CACNA1B: variants seen among roughly 807,000 people sequenced by gnomAD.
The protein encoded by CACNA1B is voltage-dependent N-type calcium channel subunit alpha-1B.
Under a neutral mutation model 247.2 loss-of-function variants are expected in CACNA1B, and 70 were observed. The observed-to-expected ratio is 0.28, with a 90% CI of 0.23 to 0.35. The LOEUF is 0.35. CACNA1B is among the 10% of genes least tolerant of loss of function. The probability of loss-of-function intolerance (pLI) is 1.00; values close to 1 mark genes in which losing one functional copy is unlikely to be tolerated. For missense variants in CACNA1B, 2,367 were observed against 3,197.4 expected (o/e 0.74, Z 6.26); for synonymous variants, 1,231 against 1,294.4 (o/e 0.95, Z 1.05).
At chr9:138,046,038 GT>G (rs1758696139) in intron 21 of CACNA1B, among the ~76,000 whole-genome samples, 1 of 152,184 alleles carries the variant, frequency 6.6e-6, no homozygotes, top group African/African-American at 2.4e-5. Context: ...GCCTCTTCTG[GT>G]CCCCCACCCG....
chr9:138,119,855 C>T (rs975407922), intron 44 of CACNA1B, among the ~76,000 whole-genome samples: 8 of 152,298 alleles, frequency 5.3e-5, no homozygotes, highest in East Asian at 3.9e-4. Context: ...CCACCCCAGA[C>T]GCACCAGGCA....
chr9:138,090,736 C>CAAAAAAAAAAAAAAAAAA (rs1960850690), intron 36 of CACNA1B, among the ~76,000 whole-genome samples: 4 of 46,248 alleles, frequency 8.6e-5, no homozygotes, highest in East Asian at 7.2e-4. Context: ...AAAAAAAAAT[C>CAAAAAAAAAAAAAAAAAA]AGATTAATAA....
At chr9:137,921,673 G>A (rs1957481816) in intron 6 of CACNA1B, among the ~76,000 whole-genome samples, 1 of 146,260 alleles carries the variant, frequency 6.8e-6, no homozygotes, top group African/African-American at 2.7e-5. Context: ...CATCCTGGGA[G>A]CAGAGTAAAG....
intron 31 of CACNA1B, among the ~76,000 whole-genome samples, chr9:138,063,375 T>G (rs1281281737): frequency 2.6e-5 from 4 of 152,180 alleles, no homozygotes; most frequent in Admixed American, 2.0e-4. Flanking sequence ...ACGCCCGTAG[T>G]CCCAGCTACC....
At chr9:137,901,707 T>TTTG (rs1957242325) in intron 3 of CACNA1B, among the ~76,000 whole-genome samples, 1 of 110,216 alleles carries the variant, frequency 9.1e-6, no homozygotes, top group African/African-American at 4.8e-5. Flanking sequence ...TTTTTTTTTT[T>TTTG]GAGACTGAGT....
chr9:137,951,766 G>GCTCAC (rs1434745538), intron 6 of CACNA1B, among the ~76,000 whole-genome samples: 2 of 152,154 alleles, frequency 1.3e-5, no homozygotes, highest in African/African-American at 4.8e-5. Context: ...CAGGCATGTG[G>GCTCAC]TGAAACTGAA....
rs751237864 is a variant in CACNA1B at position 138,043,900 on chromosome 9, T to C, written c.3413T>C (p.Leu1138Pro). The change falls in exon 21 of 47, where the codon CTG becomes CCG. Residue 1138 changes from leucine to proline, a missense_variant and splice_region_variant. Physicochemically the swap from Leu to Pro is moderately conservative, Grantham distance 98 (BLOSUM62 -3). Around this residue, in one of 12 missense-constraint regions of CACNA1B, gnomAD observed 631 missense variants for 631.1 expected, o/e 1.00. Coordinates refer to ENST00000371372, the MANE Select transcript of CACNA1B (RefSeq NM_000718.4). The stretch of plus-strand genomic sequence containing the variant: ...ATGTTCTGTTTAAGCCCCACCAACC[T>C]GTGAGTCTCCTTGCCTGCTGGTGTG... ...SSMFCLSPTNLLRRFCHYIVT... is the reference protein window; with the variant it reads ...SSMFCLSPTNPLRRFCHYIVT... The C allele has an allele frequency of 1.6e-5, 25 of 1,612,698 alleles. No homozygotes were observed. Among genetic ancestry groups the C allele is most frequent in the African/African-American group, 5.3e-5 (4 of 74,920 alleles).
intron 42 of CACNA1B, among the ~76,000 whole-genome samples, chr9:138,117,116 C>G (rs111258526): frequency 1.3e-5 from 2 of 152,316 alleles, no homozygotes; most frequent in African/African-American, 4.8e-5. Flanking sequence ...AGCACTCACC[C>G]GAACACATTC....
In CACNA1B at chr9:137,972,507, A is replaced by G. The variant is rs1475573674; in HGVS notation, c.1543+915A>G. Among the ~76,000 whole-genome samples, 5 of 151,960 alleles carry G rather than the reference A, an allele frequency of 3.3e-5. No homozygotes were observed. In the East Asian group the frequency reaches 9.7e-4, roughly 30 times the overall value. Reference sequence around the variant, plus strand: ...CCAGAGAAGAGCTATCCCAGCTCCCAGTTCCAGCCTGGCTGTCACTGTGTC... The same window carrying G: ...CCAGAGAAGAGCTATCCCAGCTCCCGGTTCCAGCCTGGCTGTCACTGTGTC... On this transcript the variant is annotated intron_variant, in intron 11 of 46. Coordinates refer to ENST00000371372, the MANE Select transcript of CACNA1B (RefSeq NM_000718.4).
chr9:138,087,241 C>T (rs963276096), intron 36 of CACNA1B, among the ~76,000 whole-genome samples: 5 of 149,464 alleles, frequency 3.3e-5, no homozygotes, highest in South Asian at 2.1e-4. Flanking sequence ...TAAAAATTAG[C>T]GGGCATGGTG....
chr9:137,907,319 AT>A (rs1403785112), intron 3 of CACNA1B, among the ~76,000 whole-genome samples: 1 of 152,124 alleles, frequency 6.6e-6, no homozygotes, highest in Admixed American at 6.6e-5. Context: ...TGTGAAAGGC[AT>A]TTTTATTTTC....
Position 138,057,913 on chromosome 9 carries a change from T to C in CACNA1B, c.4106+44T>C, listed in dbSNP as rs1589102139. 6.3e-7 allele frequency: 1 copy of C among 1,589,410 alleles called. No individual in the cohort carries two copies. The highest frequency in any genetic ancestry group is 8.6e-7 in the Non-Finnish European group (1 of 1,162,382). On this transcript the variant is annotated intron_variant, in intron 27 of 46. Coordinates refer to ENST00000371372, the MANE Select transcript of CACNA1B (RefSeq NM_000718.4). The surrounding 1 kb of genome is among the most constrained non-coding windows in gnomAD (Gnocchi z 4.0). ...CTCCGTAGCTGGGGCAGGCAGCCCC[T>C]GAGCTCGGCCTCCCTTCCTCCCTCT...
At chr9:138,083,004 G>A (rs1462824535) in intron 36 of CACNA1B, among the ~76,000 whole-genome samples, 1 of 150,778 alleles carries the variant, frequency 6.6e-6, no homozygotes, top group East Asian at 2.1e-4. Context: ...TAAGCAAGAG[G>A]ATCCCAGCAG....
chr9:138,071,041 G>T (rs1960115396), intron 32 of CACNA1B, among the ~76,000 whole-genome samples: 1 of 152,272 alleles, frequency 6.6e-6, no homozygotes, highest in Non-Finnish European at 1.5e-5. Flanking sequence ...GGATACAGGG[G>T]ATGCTGGTCT....
At chr9:137,890,803 CGGCAGAGCTGGAGGCCGTGAGGCTG>C in intron 3 of CACNA1B, 7 of 132,418 alleles carry the variant, frequency 5.3e-5, no homozygotes, top group Non-Finnish European at 1.1e-4. Flanking sequence ...GGACAGTGAG[CGGCAGAGCTGGAGGCCGTGAGGCTG>C]GGGTGAGCTG....
intron 18 of CACNA1B, among the ~76,000 whole-genome samples, chr9:138,017,476 G>A (rs1040130317): frequency 2.0e-5 from 3 of 152,186 alleles, no homozygotes; most frequent in South Asian, 2.1e-4. Context: ...CGCTCACTCC[G>A]GTGTCTCGAG....
rs186487450 is a variant in CACNA1B at position 138,017,405 on chromosome 9, C to A, written c.2267+4170C>A. Among the ~76,000 whole-genome samples the A allele has an allele frequency of 3.9e-4, 60 of 152,362 alleles. 1 individual carries two copies. The highest frequency in any genetic ancestry group is 7.2e-4 in the Non-Finnish European group (49 of 68,026). On this transcript the variant is annotated intron_variant, in intron 18 of 46. Coordinates refer to ENST00000371372, the MANE Select transcript of CACNA1B (RefSeq NM_000718.4). The stretch of plus-strand genomic sequence containing the variant: ...TCCTGCCACGGGGTCAGACCCTCTG[C>A]GCTCAGCGCCTCCTCCTTTCCCTCC...
Position 137,986,739 on chromosome 9 carries a change from G to A in CACNA1B, c.1902-43G>A, listed in dbSNP as rs1416317278. The A allele has an allele frequency of 6.5e-7, 1 of 1,535,108 alleles. No individual in the cohort carries two copies. Among genetic ancestry groups the A allele is most frequent in the African/African-American group, 1.4e-5 (1 of 73,176 alleles). ...TGGAGCCTGCAGGCGCTGCCTCGCT[G>A]CTGACGGGACTGCCACTTCCCAAGC... On this transcript the variant is annotated intron_variant, in intron 14 of 46. Transcript: ENST00000371372. The surrounding 1 kb of genome is among the most constrained non-coding windows in gnomAD (Gnocchi z 6.0).
chr9:138,062,719 C>T (rs1959770573), intron 31 of CACNA1B, among the ~76,000 whole-genome samples: 1 of 152,220 alleles, frequency 6.6e-6, no homozygotes, highest in Non-Finnish European at 1.5e-5. Flanking sequence ...GGACTTTACC[C>T]AGTATCCTTA....
Sources: allele counts gnomAD v4.1 joint callset (sites outside exome capture counted in the v4.1 genomes callset), GRCh38; gene constraint gnomAD v4.1.1; regional missense constraint gnomAD v4.1.1; non-coding constraint Gnocchi (gnomAD v3.1); transcripts MANE v1.5; gene names NCBI Gene and HGNC (gene_info 2026-07-23, HGNC 2026-07-21).